The following DCP1A variants were observed in gnomAD, a reference collection of about 807,000 sequenced individuals.
DCP1A encodes decapping mRNA 1A.
A neutral mutation model predicts 58.0 loss-of-function variants in DCP1A; 20 were observed. That is an observed-to-expected ratio of 0.34 (90% CI 0.24 to 0.50). The LOEUF (loss-of-function observed/expected upper bound fraction) is 0.50. Among genes scored for constraint, DCP1A ranks in the 20% least tolerant of loss-of-function variants. DCP1A has a pLI of 0.98. For synonymous variants in DCP1A, 285 were observed against 275.1 expected (o/e 1.04, Z -0.36); for missense variants, 613 against 712.2 (o/e 0.86, Z 1.59).
At chr3:53,330,522 A>AG (rs2088969509) in intron 3 of DCP1A, among the ~76,000 whole-genome samples, 1 of 150,996 alleles carries the variant, frequency 6.6e-6, no homozygotes, top group South Asian at 2.2e-4. Context: ...ACCTTGTCTC[A>AG]GAAAAAAAAA....
intron 1 of DCP1A, among the ~76,000 whole-genome samples, chr3:53,346,627 A>C (rs1311110725): frequency 1.3e-5 from 2 of 152,236 alleles, no homozygotes; most frequent in African/African-American, 2.4e-5. Context: ...GAATCAGTGA[A>C]CACACTGAAT....
chr3:53,305,355 C>CTT (rs782691454), intron 5 of DCP1A, among the ~76,000 whole-genome samples: 2 of 139,616 alleles, frequency 1.4e-5, no homozygotes, highest in East Asian at 2.0e-4. Flanking sequence ...ATTTTTTTTT[C>CTT]TTTTTTTTTT....
At chr3:53,305,889 T>G (rs973170710) in intron 5 of DCP1A, among the ~76,000 whole-genome samples, 4 of 152,158 alleles carry the variant, frequency 2.6e-5, no homozygotes, top group Non-Finnish European at 5.9e-5. Flanking sequence ...AAAATAATCT[T>G]GTTCTTAAAA....
At chr3:53,287,769 T>A (rs1412832448) in intron 9 of DCP1A, 109 bp from the exon 10 acceptor site, 1 of 779,176 alleles carries the variant, frequency 1.3e-6, no homozygotes, top group Non-Finnish European at 2.2e-6. Flanking sequence ...TTTGTATAAC[T>A]GATAATCCCA....
At chr3:53,289,904 G>C (rs1706791161) in intron 8 of DCP1A, among the ~76,000 whole-genome samples, 1 of 152,126 alleles carries the variant, frequency 6.6e-6, no homozygotes, top group Non-Finnish European at 1.5e-5. Context: ...TATGGTTTTT[G>C]GCATCTGAGC....
At chr3:53,313,879 A>G (rs1575606110) in intron 4 of DCP1A, among the ~76,000 whole-genome samples, 2 of 152,164 alleles carry the variant, frequency 1.3e-5, no homozygotes. Context: ...TTAAAAAAAA[A>G]GAAAAAACAG....
rs1707369318 is a variant in DCP1A, at chr3:53,303,303, G to A, written c.624+874C>T. On this transcript the variant is annotated intron_variant, in intron 6 of 9. Transcript: ENST00000610213. ...CTTCCTTGAGACAGAGTCTTACTCT[G>A]TTGCTCAGACTGGAGTGCACTGGTG... is the stretch of plus-strand genomic sequence containing the variant. Among the ~76,000 whole-genome samples the A allele has an allele frequency of 2.0e-5, 3 of 152,030 alleles. No individual in the cohort carries two copies. The South Asian group carries it at 6.2e-4, about 32-fold the overall frequency.
intron 3 of DCP1A, among the ~76,000 whole-genome samples, chr3:53,327,285 T>C (rs1708137528): frequency 6.6e-6 from 1 of 152,172 alleles, no homozygotes; most frequent in Non-Finnish European, 1.5e-5. Context: ...TCACGGACTA[T>C]AAGAGACCTC....
chr3:53,343,616 T>A lies in DCP1A; in HGVS notation c.176+1286A>T, dbSNP rs564791657. ...GGGTAAAGATCCTTTCCTATTAATTTATTTATTTTTTATGAGAGGGAGTCT... is the reference window on the plus strand; with the variant it reads ...GGGTAAAGATCCTTTCCTATTAATTAATTTATTTTTTATGAGAGGGAGTCT... On this transcript the variant is annotated intron_variant, in intron 2 of 9. Coordinates refer to ENST00000610213, the MANE Select transcript of DCP1A (RefSeq NM_018403.7). 3.7e-4 allele frequency among the ~76,000 whole-genome samples: 56 copies of A among 152,218 alleles called. No homozygotes were observed. The South Asian group carries it at 5.4e-3, about 15-fold the overall frequency.
intron 6 of DCP1A, among the ~76,000 whole-genome samples, chr3:53,293,809 C>T (rs1228226895): frequency 2.6e-5 from 4 of 152,120 alleles, no homozygotes; most frequent in African/African-American, 4.8e-5. Context: ...CCAGTTTTGT[C>T]CAGGCAAATG....
chr3:53,311,959 A>G (rs1273161154), intron 5 of DCP1A, among the ~76,000 whole-genome samples: 1 of 151,950 alleles, frequency 6.6e-6, no homozygotes, highest in African/African-American at 2.4e-5. Flanking sequence ...GTTTTAAAAA[A>G]AAAAAAAGAG....
intron 4 of DCP1A, among the ~76,000 whole-genome samples, chr3:53,315,501 C>T (rs1446953480): frequency 7.3e-6 from 1 of 137,612 alleles, no homozygotes; most frequent in Non-Finnish European, 1.5e-5. Flanking sequence ...ATCACGCCAC[C>T]ACATTCCTGG....
In DCP1A at chr3:53,342,288, G is replaced by GA. The variant is rs782244556; in HGVS notation, c.177-18dup. On this transcript the variant is annotated splice_polypyrimidine_tract_variant and intron_variant, in intron 2 of 9. Transcript: ENST00000610213. ...GAAGCTGACCTTAGATTTAATAGAA[G>GA]AAAAAAAAATATGTAGTTACCATTT... 1,064 of 1,514,256 alleles carry GA rather than the reference G, an allele frequency of 7.0e-4. No homozygotes were observed. Among genetic ancestry groups the GA allele is most frequent in the Non-Finnish European group, 7.9e-4 (885 of 1,116,936 alleles). 93.8% of individuals were successfully genotyped at this position (1,514,256 alleles called of 1,614,324 possible).
chr3:53,307,030 G>C (rs1707498003), intron 5 of DCP1A, among the ~76,000 whole-genome samples: 1 of 142,582 alleles, frequency 7.0e-6, no homozygotes, highest in Non-Finnish European at 1.5e-5. Flanking sequence ...TTCGCCTCTT[G>C]GGTTCAAGTG....
chr3:53,336,845 GATTTATTT>G (rs56054437), intron 3 of DCP1A, among the ~76,000 whole-genome samples: 41,662 of 144,170 alleles, frequency 0.29, 6,880 homozygotes, highest in Admixed American at 0.38. Context: ...CCAAAGCCCA[GATTTATTT>G]ATTTATTTAT....
intron 3 of DCP1A, among the ~76,000 whole-genome samples, chr3:53,326,986 C>CA (rs1212279408): frequency 2.6e-5 from 4 of 151,162 alleles, no homozygotes; most frequent in African/African-American, 7.3e-5. Context: ...ACCCCCCCCC[C>CA]CCAACTGGTA....
In DCP1A at chr3:53,296,664, G is replaced by C. The variant is rs190597070; in HGVS notation, c.625-3837C>G. On this transcript the variant is annotated intron_variant, in intron 6 of 9. Transcript: ENST00000610213. The stretch of plus-strand genomic sequence containing the variant: ...CAGTGGCCTTTAGTATATTCATGTT[G>C]TTGTTTTTAAGGTTCATCCGTGTTC... Among the ~76,000 whole-genome samples the C allele has an allele frequency of 3.0e-3, 459 of 152,234 alleles. 3 individuals carry two copies. The highest frequency in any genetic ancestry group is 0.01 in the African/African-American group (426 of 41,532).
intron 3 of DCP1A, 62 bp from the exon 4 acceptor site, chr3:53,319,535 A>G: frequency 2.0e-6 from 2 of 994,154 alleles, no homozygotes; most frequent in Non-Finnish European, 3.1e-6. Context: ...GGGTGTATGT[A>G]AATAATATAT....
At position 53,292,077 on chromosome 3, in the gene DCP1A, G is replaced by C; in HGVS notation, c.1375C>G (p.Pro459Ala). The C allele has an allele frequency of 6.2e-7, 1 of 1,610,000 alleles. No individual in the cohort carries two copies. The highest frequency in any genetic ancestry group is 8.5e-7 in the Non-Finnish European group (1 of 1,178,182). ...SASLSNMVLA[P>A]LQSMQQNQDP... ...CACCCTCCTGCCATTACCTGAAGGG[G>C]AGCAAGCACCATGTTGCTCAGGGAG... Residue 459 changes from proline (P) to alanine (A), a missense_variant, in exon 7 of 10, where the codon CCC becomes GCC. Physicochemically the swap from Pro to Ala is conservative, Grantham distance 27. Around this residue, in one of 3 missense-constraint regions of DCP1A, gnomAD observed 498 missense variants for 556.7 expected, o/e 0.89. Transcript: ENST00000610213.
Sources: gnomAD v4.1 joint callset for allele counts (sites outside exome capture counted in the v4.1 genomes callset) on GRCh38, gnomAD v4.1.1 for gene constraint, gnomAD v4.1.1 regional missense constraint, MANE v1.5 for transcripts, NCBI Gene and HGNC (gene_info 2026-07-23, HGNC 2026-07-21) for gene names.